The following KIF13A variants were observed in gnomAD, a reference collection of about 807,000 sequenced individuals.
The protein encoded by KIF13A is kinesin-like protein KIF13A.
A neutral mutation model predicts 212.2 loss-of-function variants in KIF13A; 79 were observed. That is an observed-to-expected ratio of 0.37 (90% confidence interval 0.31 to 0.45). The LOEUF (loss-of-function observed/expected upper bound fraction) is 0.45. KIF13A is among the 20% of genes least tolerant of loss of function. The pLI, the probability that KIF13A is intolerant of heterozygous loss-of-function variation, is 1.00. For synonymous variants in KIF13A, 789 were observed against 808.6 expected, an observed-to-expected ratio of 0.98 and a Z score of 0.41; for missense variants, 1,901 against 2,209.0, an observed-to-expected ratio of 0.86 and a Z score of 2.79.
intron 4 of KIF13A, among the ~76,000 whole-genome samples, chr6:17,869,829 A>AC (rs956720547): frequency 1.4e-4 from 22 of 151,990 alleles, no homozygotes; most frequent in South Asian, 8.3e-4. Context: ...TCTCCCTGCT[A>AC]CCCCCCAGTT....
Position 17,816,897 on chromosome 6 carries a change from C to G in KIF13A, c.2000+123G>C. ...GAAAGGAAAAGCTAATTGGCAATAT[C>G]ACGTATGGGATTAAGAGTTCTCTTG... is the stretch of plus-strand genomic sequence containing the variant. On this transcript the variant is annotated intron_variant, in intron 17 of 38. Coordinates refer to ENST00000259711, the MANE Select transcript of KIF13A (RefSeq NM_022113.6). The surrounding 1 kb of genome is among the most constrained non-coding windows in gnomAD (Gnocchi z 4.3). 1 of 692,940 alleles carries G rather than the reference C, an allele frequency of 1.4e-6. No homozygotes were observed. The allele number at this position is 692,940 out of a possible 1,614,324, so 42.9% of individuals were successfully genotyped here.
rs1772177980 is a variant in KIF13A at position 17,892,730 on chromosome 6, G to A, written c.159+5438C>T. On this transcript the variant is annotated intron_variant, in intron 3 of 38. Coordinates refer to ENST00000259711, the MANE Select transcript of KIF13A (RefSeq NM_022113.6). This position sits in a 1 kb window ranked among gnomAD's most constrained non-coding sequence, Gnocchi z 4.7. The stretch of plus-strand genomic sequence containing the variant: ...ATAAACATCCCTAAACTACAAGGAT[G>A]GGAGAGCATCTGGGTTGCTGAACAC... Among the ~76,000 whole-genome samples, 1 of 152,204 alleles carries A rather than the reference G, an allele frequency of 6.6e-6. No homozygotes were observed. Among genetic ancestry groups the A allele is most frequent in the African/African-American group, 2.4e-5 (1 of 41,458 alleles).
chr6:17,820,247 G>A (rs2150358416), intron 16 of KIF13A, among the ~76,000 whole-genome samples: 1 of 152,264 alleles, frequency 6.6e-6, no homozygotes, highest in Non-Finnish European at 1.5e-5. Flanking sequence ...ACAGAAGACA[G>A]AGCAACTCAA....
downstream of KIF13A, among the ~76,000 whole-genome samples, chr6:17,761,371 A>C (rs1758577801): frequency 6.6e-6 from 1 of 151,208 alleles, no homozygotes; most frequent in African/African-American, 2.4e-5. Context: ...GTGAGCCACT[A>C]TGCCTGGCCG....
chr6:17,806,097 A>AT (rs879597222), intron 18 of KIF13A, among the ~76,000 whole-genome samples: 6 of 151,144 alleles, frequency 4.0e-5, no homozygotes, highest in Non-Finnish European at 8.9e-5. Flanking sequence ...TTTTTATTTT[A>AT]TTTTTTGTAT....
intron 16 of KIF13A, among the ~76,000 whole-genome samples, chr6:17,820,851 G>A (rs1173471486): frequency 2.0e-5 from 3 of 152,156 alleles, no homozygotes; most frequent in Non-Finnish European, 4.4e-5. Flanking sequence ...GGTGGTAGTG[G>A]TGCTGGTAGC....
rs199930023 is a variant in KIF13A at position 17,898,568 on chromosome 6, T to C, written c.147-388A>G. On this transcript the variant is annotated intron_variant, in intron 2 of 38. Coordinates refer to ENST00000259711, the MANE Select transcript of KIF13A (RefSeq NM_022113.6). The surrounding 1 kb of genome is among the most constrained non-coding windows in gnomAD (Gnocchi z 5.2). ...TAAATCAATTTTTATATTTAAATTT[T>C]TCTTAAATTTTTGTTAAAATATATG... Among the ~76,000 whole-genome samples, 3 of 152,354 alleles carry C rather than the reference T, an allele frequency of 2.0e-5. No individual in the cohort carries two copies. In the East Asian group the frequency reaches 5.8e-4, roughly 29 times the overall value.
At chr6:17,863,057 A>G (rs542798868) in intron 4 of KIF13A, among the ~76,000 whole-genome samples, 2 of 152,362 alleles carry the variant, frequency 1.3e-5, no homozygotes, top group Admixed American at 6.5e-5. Context: ...CGATCGTGCC[A>G]CTGCACTCCA....
In KIF13A at chr6:17,821,552, G is replaced by GTGTGTGTGT. The variant is rs1554172080; in HGVS notation, c.1786+4215_1786+4216insACACACACA. ...TGGGAGGCAAATGGAATTGGGACATGGTGTGTGTGTGTGTGTGTGTGTGTG... is the reference window on the plus strand; with the variant it reads ...TGGGAGGCAAATGGAATTGGGACATGTGTGTGTGTGTGTGTGTGTGTGTGTGTGTGTGTG... On this transcript the variant is annotated intron_variant, in intron 16 of 38. Transcript: ENST00000259711. Among the ~76,000 whole-genome samples, 63 of 112,094 alleles carry GTGTGTGTGT rather than the reference G, an allele frequency of 5.6e-4. 1 individual carries two copies. Among genetic ancestry groups the GTGTGTGTGT allele is most frequent in the African/African-American group, 1.9e-3 (62 of 32,992 alleles). 73.5% of individuals were successfully genotyped at this position (112,094 alleles called of 152,430 possible).
At position 17,804,386 on chromosome 6, in the gene KIF13A, A is replaced by G; in HGVS notation, c.2429T>C (p.Val810Ala). The change falls in exon 20 of 39, where the codon GTC becomes GCC. Residue 810 changes from valine to alanine, a missense_variant. Val to Ala is a moderately conservative substitution (Grantham distance 64). This residue lies in a region of KIF13A where 534 missense variants were observed against 536.9 expected (regional missense o/e 0.99). Coordinates refer to ENST00000259711, the MANE Select transcript of KIF13A (RefSeq NM_022113.6). Reference protein sequence around the residue: ...LFCDVKLQYAVPIISQQGEVA... With the variant: ...LFCDVKLQYAAPIISQQGEVA... ...CTCCCCCTGCTGGCTGATGATAGGGACTGCATACTGAAGTTTCACATCACA... is the reference window on the plus strand; with the variant it reads ...CTCCCCCTGCTGGCTGATGATAGGGGCTGCATACTGAAGTTTCACATCACA... 6.4e-7 allele frequency: 1 copy of G among 1,552,416 alleles called. No homozygotes were observed. Among genetic ancestry groups the G allele is most frequent in the South Asian group, 1.2e-5 (1 of 84,002 alleles).
chr6:17,798,261 A>T (rs1271434561), intron 22 of KIF13A, among the ~76,000 whole-genome samples: 1 of 152,224 alleles, frequency 6.6e-6, no homozygotes, highest in Non-Finnish European at 1.5e-5. Context: ...AGATCATAAG[A>T]ACCCAGAAGC....
intron 3 of KIF13A, among the ~76,000 whole-genome samples, chr6:17,877,653 C>CTTTCT (rs1228369544): frequency 3.3e-5 from 5 of 151,946 alleles, no homozygotes; most frequent in African/African-American, 9.7e-5. Flanking sequence ...GGCTATTTTC[C>CTTTCT]TTTCTTTTCT....
At chr6:17,936,887 G>A (rs1481528746) in intron 2 of KIF13A, among the ~76,000 whole-genome samples, 1 of 152,162 alleles carries the variant, frequency 6.6e-6, no homozygotes, top group African/African-American at 2.4e-5. Flanking sequence ...TTAGGGCAAA[G>A]GAAAAGGAGA....
rs772099608 is a variant in KIF13A at position 17,764,429 on chromosome 6, G to A, written c.5099C>T (p.Ser1700Leu). The change falls in exon 39 of 39, where the codon TCA (serine) becomes TTA (leucine). Residue 1700 changes from serine (S) to leucine (L), a missense_variant. Coordinates refer to ENST00000259711, the MANE Select transcript of KIF13A (RefSeq NM_022113.6). The surrounding 1 kb of genome is among the most constrained non-coding windows in gnomAD (Gnocchi z 5.1). The stretch of plus-strand genomic sequence containing the variant: ...TTTGCTGGGGCAGGCATCTAGTTCT[G>A]AACATGAGCCAGTCCTGCACAGTGA... The part of the protein sequence containing the change: ...SKSLCRTGSC[S>L]ELDACPSKIS... 1 of 1,613,994 alleles carries A rather than the reference G, an allele frequency of 6.2e-7. No homozygotes were observed. The highest frequency in any genetic ancestry group is 8.5e-7 in the Non-Finnish European group (1 of 1,179,898).
intron 2 of KIF13A, among the ~76,000 whole-genome samples, chr6:17,975,066 G>A (rs940231910): frequency 4.6e-5 from 7 of 152,160 alleles, no homozygotes; most frequent in Non-Finnish European, 1.5e-5. Flanking sequence ...ATTCCCAGCT[G>A]GGCGCAGTGG....
chr6:17,951,437 TA>T lies in KIF13A; in HGVS notation c.146+35616del, dbSNP rs112683346. On this transcript the variant is annotated intron_variant, in intron 2 of 38. Transcript: ENST00000259711. This position sits in a 1 kb window ranked among gnomAD's most constrained non-coding sequence, Gnocchi z 4.9. ...TGAGCCACTGTGACCAGCCTCAATT[TA>T]AAAAAAAAAAAAAAACAGCTTTAAG... is the stretch of plus-strand genomic sequence containing the variant. 140,345 of 443,414 alleles carry T rather than the reference TA, an allele frequency of 0.32. 4,747 individuals carry two copies. Among genetic ancestry groups the T allele is most frequent in the Middle Eastern group, 0.37 (1,093 of 2,916 alleles). 27.5% of individuals were successfully genotyped at this position (443,414 alleles called of 1,614,324 possible). A position where few individuals can be genotyped will look rare whatever the true frequency, so the allele number is the denominator to read the frequency against.
At chr6:17,805,370 C>CTTGTGTGT in intron 19 of KIF13A, 105 bp downstream of exon 19, 1 of 737,210 alleles carries the variant, frequency 1.4e-6, no homozygotes, top group Non-Finnish European at 2.3e-6. Context: ...AGCACATCTC[C>CTTGTGTGT]GTGTGTGTGT....
chr6:17,890,501 T>C lies in KIF13A; in HGVS notation c.159+7667A>G, dbSNP rs901431509. ...CTTCCCTGTACCTATCAATAGAGCA[T>C]ACATAATGGCATAATTAGGTAGTGA... is the stretch of plus-strand genomic sequence containing the variant. On this transcript the variant is annotated intron_variant, in intron 3 of 38. Transcript: ENST00000259711. 2.0e-5 allele frequency among the ~76,000 whole-genome samples: 3 copies of C among 152,140 alleles called. No individual in the cohort carries two copies. In the South Asian group the frequency reaches 6.2e-4, roughly 32 times the overall value.
At chr6:17,848,076 T>C (rs573782270) in intron 9 of KIF13A, among the ~76,000 whole-genome samples, 32 of 152,194 alleles carry the variant, frequency 2.1e-4, no homozygotes, top group African/African-American at 7.7e-4. Context: ...CCTCCCAAAG[T>C]GCTAGGATTA....
Sources: allele counts gnomAD v4.1 joint callset (sites outside exome capture counted in the v4.1 genomes callset), GRCh38; gene constraint gnomAD v4.1.1; regional missense constraint gnomAD v4.1.1; non-coding constraint Gnocchi (gnomAD v3.1); transcripts MANE v1.5; gene names NCBI Gene and HGNC (gene_info 2026-07-23, HGNC 2026-07-21).